SNTG1: variants seen among roughly 807,000 people sequenced by gnomAD.
The protein encoded by SNTG1 is syntrophin gamma 1.
SNTG1 carries 39 observed loss-of-function variants against 74.7 expected under a neutral mutation model. The ratio of observed to expected loss-of-function variants is 0.52; its 90% CI spans 0.40 to 0.68. The LOEUF is 0.68. SNTG1 is among the 30% of genes least tolerant of loss of function. The pLI is 0.00. For synonymous variants in SNTG1, 254 were observed against 217.1 expected (o/e 1.17, Z -1.49); for missense variants, 685 against 609.5 (o/e 1.12, Z -1.30).
intron 2 of SNTG1, among the ~76,000 whole-genome samples, chr8:50,390,234 T>C (rs2092637493): frequency 6.6e-6 from 1 of 152,234 alleles, no homozygotes; most frequent in African/African-American, 2.4e-5. Flanking sequence ...ATTTAAGTCT[T>C]TAATCCATCT....
chr8:49,944,869 C>A (rs1264842714), intron 1 of SNTG1, among the ~76,000 whole-genome samples: 17 of 151,858 alleles, frequency 1.1e-4, no homozygotes. Context: ...CTCACTGAAA[C>A]CTTCATCTCC....
Position 50,552,671 on chromosome 8 carries a change from AC to A in SNTG1, c.681-378del, listed in dbSNP as rs564183055. On this transcript the variant is annotated intron_variant, in intron 11 of 18. Coordinates refer to ENST00000642720, the MANE Select transcript of SNTG1 (RefSeq NM_018967.5). ...TCTTTCTAAGTCAGAAAATGCATTG[AC>A]AAATGTTAAGAGGAGACAATGGTAG... Among the ~76,000 whole-genome samples, 37 of 152,336 alleles carry A rather than the reference AC, an allele frequency of 2.4e-4. 1 individual carries two copies. The South Asian group carries it at 7.5e-3, about 31-fold the overall frequency.
chr8:50,276,887 G>A (rs956898558), intron 2 of SNTG1, among the ~76,000 whole-genome samples: 4 of 151,910 alleles, frequency 2.6e-5, no homozygotes, highest in Non-Finnish European at 4.4e-5. Flanking sequence ...GCCCAGGCTG[G>A]AGTGTAGTGG....
intron 13 of SNTG1, among the ~76,000 whole-genome samples, chr8:50,593,547 C>A (rs2094706160): frequency 6.6e-6 from 1 of 151,146 alleles, no homozygotes; most frequent in Non-Finnish European, 1.5e-5. Flanking sequence ...GAAAAAAAAA[C>A]CTACATTTAA....
chr8:49,980,908 AT>A (rs140668421), intron 1 of SNTG1, among the ~76,000 whole-genome samples: 1,580 of 152,290 alleles, frequency 0.01, 26 homozygotes, highest in African/African-American at 0.036. Context: ...GCTTAAAAAA[AT>A]CTTTTCTTAG....
chr8:50,115,890 T>A (rs1427808460), intron 1 of SNTG1, among the ~76,000 whole-genome samples: 2 of 152,010 alleles, frequency 1.3e-5, no homozygotes, highest in East Asian at 3.9e-4. Flanking sequence ...CAACCCCCAG[T>A]GGAGAGAATT....
chr8:50,546,772 C>T lies in SNTG1; in HGVS notation c.681-6278C>T, dbSNP rs555097049. On this transcript the variant is annotated intron_variant, in intron 11 of 18. Transcript: ENST00000642720. ...GTATATGTGCTACATTTTCTTAATC[C>T]AGTCTATCATTGTTGGACATTTGGG... Among the ~76,000 whole-genome samples the T allele has an allele frequency of 5.3e-5, 8 of 152,018 alleles. No individual in the cohort carries two copies. In the East Asian group the frequency reaches 1.6e-3, roughly 29 times the overall value.
Position 50,471,546 on chromosome 8 carries a change from G to A in SNTG1, c.363+20817G>A, listed in dbSNP as rs140790814. The stretch of plus-strand genomic sequence containing the variant: ...CAAAATGGCACAGCCACTGTGGAAG[G>A]CAGTTTGACAATTTGCTACCAAGTT... On this transcript the variant is annotated intron_variant, in intron 8 of 18. Coordinates refer to ENST00000642720, the MANE Select transcript of SNTG1 (RefSeq NM_018967.5). Among the ~76,000 whole-genome samples, 232 of 152,254 alleles carry A rather than the reference G, an allele frequency of 1.5e-3. 1 individual carries two copies. Among genetic ancestry groups the A allele is most frequent in the African/African-American group, 5.3e-3 (221 of 41,560 alleles).
At chr8:50,512,356 C>T (rs2094087532) in intron 9 of SNTG1, among the ~76,000 whole-genome samples, 1 of 151,234 alleles carries the variant, frequency 6.6e-6, no homozygotes, top group African/African-American at 2.4e-5. Context: ...ACATTTTTTC[C>T]TTCATTTCAA....
chr8:50,701,293 T>A (rs1272393370), intron 15 of SNTG1, among the ~76,000 whole-genome samples: 1 of 152,124 alleles, frequency 6.6e-6, no homozygotes, highest in Non-Finnish European at 1.5e-5. Context: ...ATACTAAAAT[T>A]TTTGCTATAG....
intron 4 of SNTG1, among the ~76,000 whole-genome samples, chr8:50,432,934 C>A (rs562232374): frequency 6.6e-6 from 1 of 151,886 alleles, no homozygotes; most frequent in South Asian, 2.1e-4. Flanking sequence ...GGGATTACAG[C>A]GCACATCTCC....
chr8:50,135,810 G>C (rs1297599716), intron 1 of SNTG1, among the ~76,000 whole-genome samples: 2 of 152,130 alleles, frequency 1.3e-5, no homozygotes, highest in Non-Finnish European at 2.9e-5. Flanking sequence ...TAGGTAAACT[G>C]CATGTTGCAG....
chr8:50,301,431 CTCT>C (rs2089639838), intron 2 of SNTG1, among the ~76,000 whole-genome samples: 1 of 151,990 alleles, frequency 6.6e-6, no homozygotes, highest in Non-Finnish European at 1.5e-5. Flanking sequence ...TGATGTCTAT[CTCT>C]TTATTGACAT....
intron 13 of SNTG1, among the ~76,000 whole-genome samples, chr8:50,639,222 A>AG (rs1254160162): frequency 2.0e-5 from 3 of 150,004 alleles, no homozygotes; most frequent in African/African-American, 7.3e-5. Context: ...TTTTCAGTTA[A>AG]AAAAAAAAAA....
At chr8:50,378,345 C>T (rs557089444) in intron 2 of SNTG1, among the ~76,000 whole-genome samples, 1 of 152,318 alleles carries the variant, frequency 6.6e-6, no homozygotes, top group Admixed American at 6.5e-5. Context: ...TGTCACAGCC[C>T]TGGCTCAGGG....
intron 2 of SNTG1, among the ~76,000 whole-genome samples, chr8:50,328,826 A>T (rs996119519): frequency 1.3e-5 from 2 of 152,330 alleles, no homozygotes; most frequent in Non-Finnish European, 2.9e-5. Context: ...AGTCCCAAAA[A>T]GTCTTAACTT....
At chr8:50,087,739 T>C (rs1823030932) in intron 1 of SNTG1, among the ~76,000 whole-genome samples, 1 of 152,174 alleles carries the variant, frequency 6.6e-6, no homozygotes, top group Non-Finnish European at 1.5e-5. Context: ...AGTCCTGTTA[T>C]ACTTTTAAAA....
chr8:50,121,282 T>C (rs1293521183), intron 1 of SNTG1, among the ~76,000 whole-genome samples: 1 of 141,856 alleles, frequency 7.0e-6, no homozygotes, highest in Non-Finnish European at 1.6e-5. Context: ...TTAAAATTTC[T>C]GAGTTTTGGT....
intron 15 of SNTG1, among the ~76,000 whole-genome samples, chr8:50,675,510 G>C (rs1309713709): frequency 6.6e-6 from 1 of 151,262 alleles, no homozygotes; most frequent in East Asian, 1.9e-4. Flanking sequence ...CATCTCCTTG[G>C]TAAATTTTCT....
Sources: gnomAD v4.1 joint callset for allele counts (sites outside exome capture counted in the v4.1 genomes callset) on GRCh38, gnomAD v4.1.1 for gene constraint, MANE v1.5 for transcripts, NCBI Gene and HGNC (gene_info 2026-07-23, HGNC 2026-07-21) for gene names.